C6orf163: variants seen among roughly 807,000 people sequenced by gnomAD.
C6orf163 encodes the protein uncharacterized protein C6orf163.
Under a neutral mutation model 28.4 loss-of-function variants are expected in C6orf163, and 22 were observed. That is an observed-to-expected ratio of 0.78 (90% confidence interval 0.55 to 1.11). The LOEUF (loss-of-function observed/expected upper bound fraction) is 1.11. Ranked by LOEUF, C6orf163 falls within the 50% of genes least tolerant of loss-of-function variation. C6orf163 has a pLI of 0.00. For missense variants in C6orf163, 342 were observed against 389.1 expected (o/e 0.88, Z 1.02); for synonymous variants, 110 against 123.6 (o/e 0.89, Z 0.73).
At chr6:87,353,494 C>A (rs1777451281) in intron 3 of C6orf163, among the ~76,000 whole-genome samples, 1 of 150,836 alleles carries the variant, frequency 6.6e-6, no homozygotes, top group Non-Finnish European at 1.5e-5. Flanking sequence ...TTCAGGCATA[C>A]AACGGTCTTA....
At chr6:87,349,002 TG>T in intron 2 of C6orf163, 96 bp downstream of exon 2, 1 of 1,429,120 alleles carries the variant, frequency 7.0e-7, no homozygotes, top group Non-Finnish European at 9.2e-7. Flanking sequence ...TAGTCAGAAC[TG>T]ACTGAATCCT....
rs1333415353 is a variant in C6orf163, at chr6:87,345,249, T to A, written c.148+2T>A. The A allele has an allele frequency of 8.6e-6, 13 of 1,514,942 alleles. No homozygotes were observed. Among genetic ancestry groups the A allele is most frequent in the Non-Finnish European group, 1.1e-5 (12 of 1,140,606 alleles). The allele number at this position is 1,514,942 out of a possible 1,614,324, so 93.8% of individuals were successfully genotyped here. A position where few individuals can be genotyped will look rare whatever the true frequency, so the allele number is the denominator to read the frequency against. The stretch of plus-strand genomic sequence containing the variant: ...TTTACACTCACAAAGACATACTAGG[T>A]AAGTGACTTTATCGTTTTCCTTTGT... On this transcript the variant is annotated splice_donor_variant, in intron 1 of 4. Coordinates refer to ENST00000388923, the MANE Select transcript of C6orf163 (RefSeq NM_001010868.3). LOFTEE classifies it high-confidence loss of function.
chr6:87,365,053 A>G lies in C6orf163; in HGVS notation c.647A>G (p.Glu216Gly). Reference protein sequence around the residue: ...VARLMREKEHEMSILYGIAQR... With the variant: ...VARLMREKEHGMSILYGIAQR... ...CGACTGATGAGGGAAAAAGAACATG[A>G]AATGAGCATCCTCTATGGCATAGCT... The change falls in exon 5 of 5, where the codon GAA becomes GGA. Residue 216 changes from glutamate (E) to glycine (G), a missense_variant. Physicochemically the swap from Glu to Gly is moderately conservative, Grantham distance 98 (BLOSUM62 -2). Transcript: ENST00000388923. 6.4e-7 allele frequency: 1 copy of G among 1,551,828 alleles called. No homozygotes were observed. Among genetic ancestry groups the G allele is most frequent in the East Asian group, 2.4e-5 (1 of 40,922 alleles).
chr6:87,360,993 A>G (rs1777572166), intron 4 of C6orf163, among the ~76,000 whole-genome samples: 1 of 152,164 alleles, frequency 6.6e-6, no homozygotes, highest in African/African-American at 2.4e-5. Flanking sequence ...ATATTCAAGC[A>G]CTAAGGCAGG....
intron 3 of C6orf163, among the ~76,000 whole-genome samples, chr6:87,354,989 A>G (rs1383522449): frequency 6.6e-6 from 1 of 152,172 alleles, no homozygotes; most frequent in Non-Finnish European, 1.5e-5. Flanking sequence ...CAGCCAGGAG[A>G]ACTCTTACTG....
At chr6:87,348,271 GTTA>G in intron 1 of C6orf163, 2 of 984,730 alleles carry the variant, frequency 2.0e-6, no homozygotes, top group Non-Finnish European at 2.4e-6. Flanking sequence ...TTATGGGAAT[GTTA>G]TTATTTGGAA....
At chr6:87,362,913 T>G (rs1385242073) in intron 4 of C6orf163, among the ~76,000 whole-genome samples, 2 of 152,234 alleles carry the variant, frequency 1.3e-5, no homozygotes, top group African/African-American at 4.8e-5. Context: ...CTATGTTAAC[T>G]GCAGAAATCC....
intron 4 of C6orf163, among the ~76,000 whole-genome samples, chr6:87,361,366 C>T (rs1054035427): frequency 6.6e-5 from 10 of 152,076 alleles, no homozygotes; most frequent in South Asian, 2.1e-4. Flanking sequence ...ATTTTGATAT[C>T]AGGGAGTCTG....
chr6:87,364,946 T>C lies in C6orf163; in HGVS notation c.555-15T>C, dbSNP rs752553162. ...CCAATCCATCTAAATTATAAATCCATATTATCTTTTGTAGCAAAGCCGTGG... is the reference window on the plus strand; with the variant it reads ...CCAATCCATCTAAATTATAAATCCACATTATCTTTTGTAGCAAAGCCGTGG... On this transcript the variant is annotated splice_polypyrimidine_tract_variant and intron_variant, in intron 4 of 4. Transcript: ENST00000388923. 119 of 1,516,154 alleles carry C rather than the reference T, an allele frequency of 7.8e-5. No homozygotes were observed. The highest frequency in any genetic ancestry group is 9.9e-5 in the Non-Finnish European group (112 of 1,126,206). The allele number at this position is 1,516,154 out of a possible 1,614,324, so 93.9% of individuals were successfully genotyped here.
chr6:87,348,542 G>A (rs1777362585), intron 1 of C6orf163: 2 of 1,172,494 alleles, frequency 1.7e-6, no homozygotes, highest in Non-Finnish European at 2.1e-6. Context: ...CTTTCTTCGG[G>A]CATTTATTTC....
intron 2 of C6orf163, among the ~76,000 whole-genome samples, chr6:87,349,963 T>TG (rs1238358369): frequency 6.6e-6 from 1 of 152,234 alleles, no homozygotes; most frequent in Non-Finnish European, 1.5e-5. Context: ...AGACTGAATG[T>TG]GGGGGACCTG....
chr6:87,345,652 T>G (rs1007090064), intron 1 of C6orf163, among the ~76,000 whole-genome samples: 1 of 152,112 alleles, frequency 6.6e-6, no homozygotes, highest in Non-Finnish European at 1.5e-5. Flanking sequence ...ATGGGCACAG[T>G]GGCTCACACC....
intron 3 of C6orf163, among the ~76,000 whole-genome samples, chr6:87,354,417 A>C (rs979847640): frequency 6.6e-6 from 1 of 152,234 alleles, no homozygotes; most frequent in Non-Finnish European, 1.5e-5. Flanking sequence ...ATGCCACATG[A>C]AGTTTTTGGT....
chr6:87,355,210 A>G (rs1336855747), intron 3 of C6orf163, among the ~76,000 whole-genome samples: 1 of 152,218 alleles, frequency 6.6e-6, no homozygotes, highest in African/African-American at 2.4e-5. Context: ...TTGATGTGCT[A>G]TATGAAATAA....
At chr6:87,348,054 G>A in intron 1 of C6orf163, 1 of 500,010 alleles carries the variant, frequency 2.0e-6, no homozygotes, top group Non-Finnish European at 2.6e-6. Context: ...TACTCGGGAG[G>A]CTGAGGCAGG....
At chr6:87,347,075 T>C (rs993152598) in intron 1 of C6orf163, among the ~76,000 whole-genome samples, 1 of 152,186 alleles carries the variant, frequency 6.6e-6, no homozygotes, top group Non-Finnish European at 1.5e-5. Context: ...AACATGGAGC[T>C]GTTCCATCAC....
chr6:87,345,877 A>G (rs149291250), intron 1 of C6orf163, among the ~76,000 whole-genome samples: 2,630 of 141,064 alleles, frequency 0.019, 30 homozygotes, highest in Middle Eastern at 0.049. Context: ...AGATCGTGCT[A>G]CTGCACTCTA....
rs989807956 is a variant in C6orf163 at position 87,363,341 on chromosome 6, A to T, written c.555-1620A>T. Among the ~76,000 whole-genome samples the T allele has an allele frequency of 2.2e-3, 338 of 151,144 alleles. 2 individuals are homozygous for T. The highest frequency in any genetic ancestry group is 2.5e-3 in the African/African-American group (103 of 41,208). Reference sequence around the variant, plus strand: ...AACTATTTTCTTTTTTTTTTTCCAAATTTTTTAAAAAATTATTATTATACT... The same window carrying T: ...AACTATTTTCTTTTTTTTTTTCCAATTTTTTTAAAAAATTATTATTATACT... On this transcript the variant is annotated intron_variant, in intron 4 of 4. Coordinates refer to ENST00000388923, the MANE Select transcript of C6orf163 (RefSeq NM_001010868.3).
intron 1 of C6orf163, chr6:87,347,864 C>T (rs1777351113): frequency 1.0e-6 from 1 of 985,448 alleles, no homozygotes; most frequent in Non-Finnish European, 1.2e-6. Flanking sequence ...GCTTAGAAAT[C>T]CCAGAGGAAG....
Sources: allele counts gnomAD v4.1 joint callset (sites outside exome capture counted in the v4.1 genomes callset), GRCh38; gene constraint gnomAD v4.1.1; transcripts MANE v1.5; gene names NCBI Gene and HGNC (gene_info 2026-07-23, HGNC 2026-07-21).